The following UPRT variants were observed in gnomAD, a reference collection of about 807,000 sequenced individuals.
The protein encoded by UPRT is uracil phosphoribosyltransferase homolog, also known as RP11-311P8.3.
Under a neutral mutation model 22.6 loss-of-function variants are expected in UPRT, and 5 were observed. The observed-to-expected ratio is 0.22, with a 90% CI of 0.12 to 0.47. UPRT has a LOEUF of 0.47. Among genes scored for constraint, UPRT ranks in the 20% least tolerant of loss-of-function variants. UPRT has a pLI of 0.99. For synonymous variants in UPRT, 77 were observed against 87.7 expected (o/e 0.88, Z 0.68); for missense variants, 181 against 239.9 (o/e 0.75, Z 1.62).
chrX:75,294,416 G>A (rs930143932), intron 2 of UPRT: 5 of 276,410 alleles, frequency 1.8e-5, no homozygotes, highest in African/African-American at 2.9e-5. Context: ...TGGTGTTTAT[G>A]ATCTAAATAC....
intron 4 of UPRT, among the ~76,000 whole-genome samples, chrX:75,168,606 C>A (rs905734986): frequency 1.8e-5 from 2 of 110,937 alleles, no homozygotes; most frequent in African/African-American, 6.6e-5. Flanking sequence ...CTCGGCTCAC[C>A]GCAACCTCCG....
intron 4 of UPRT, among the ~76,000 whole-genome samples, chrX:75,242,577 C>G (rs1035273341): frequency 3.8e-5 from 4 of 105,074 alleles, no homozygotes; most frequent in African/African-American, 6.8e-5. Context: ...TTTCCATTGT[C>G]TGCTCCTGCA....
At chrX:75,259,895 A>C (rs972583064) in intron 4 of UPRT, among the ~76,000 whole-genome samples, 1 of 112,155 alleles carries the variant, frequency 8.9e-6, no homozygotes, top group African/African-American at 3.2e-5. Flanking sequence ...CCATCAGACT[A>C]ATAGCAGATC....
chrX:75,225,845 C>T (rs2082422604), intron 4 of UPRT, among the ~76,000 whole-genome samples: 1 of 111,071 alleles, frequency 9.0e-6, no homozygotes, highest in African/African-American at 3.3e-5. Flanking sequence ...AAACTATACG[C>T]TGATTTCTCT....
intron 1 of UPRT, among the ~76,000 whole-genome samples, chrX:75,276,395 A>G (rs1313397341): frequency 8.9e-6 from 1 of 111,824 alleles, no homozygotes; most frequent in Non-Finnish European, 1.9e-5. Context: ...AATTATATTT[A>G]TGAAACTATA....
intron 4 of UPRT, among the ~76,000 whole-genome samples, chrX:75,183,890 T>C (rs192529686): frequency 4.5e-5 from 5 of 112,152 alleles, no homozygotes; most frequent in Admixed American, 1.9e-4. Flanking sequence ...TTCTTGCAAA[T>C]TGGTTTGAGT....
chrX:75,186,857 T>C (rs2082294231), intron 4 of UPRT, among the ~76,000 whole-genome samples: 1 of 111,627 alleles, frequency 9.0e-6, no homozygotes, highest in Non-Finnish European at 1.9e-5. Flanking sequence ...CTGTCTTTTT[T>C]TGTTTTCCAT....
intron 4 of UPRT, among the ~76,000 whole-genome samples, chrX:75,222,375 C>G (rs2082412614): frequency 9.0e-6 from 1 of 111,589 alleles, no homozygotes; most frequent in Admixed American, 9.5e-5. Flanking sequence ...CTAGGGCTCT[C>G]CAATCAGCAG....
intron 1 of UPRT, among the ~76,000 whole-genome samples, chrX:75,289,366 T>G: frequency 9.0e-6 from 1 of 110,858 alleles, no homozygotes; most frequent in Non-Finnish European, 1.9e-5. Flanking sequence ...TTTGGTAAAA[T>G]GGATACACTG....
At chrX:75,227,877 G>A (rs1321582668) in intron 4 of UPRT, among the ~76,000 whole-genome samples, 2 of 112,523 alleles carry the variant, frequency 1.8e-5, no homozygotes, top group Admixed American at 1.9e-4. Context: ...TGATAAGTAG[G>A]TCTGATACTG....
At chrX:75,285,838 T>A (rs935080917) in intron 1 of UPRT, among the ~76,000 whole-genome samples, 12 of 109,492 alleles carry the variant, frequency 1.1e-4, no homozygotes, top group Admixed American at 4.8e-4. Flanking sequence ...AAAAAAAAAA[T>A]AGTAACATAA....
At chrX:75,221,713 C>G (rs1274765684) in intron 4 of UPRT, among the ~76,000 whole-genome samples, 1 of 111,249 alleles carries the variant, frequency 9.0e-6, no homozygotes, top group East Asian at 2.8e-4. Context: ...ATTCTGATTC[C>G]CTTCTCTGTG....
At chrX:75,167,726 T>A (rs1281914752) in intron 3 of UPRT, among the ~76,000 whole-genome samples, 1 of 111,416 alleles carries the variant, frequency 9.0e-6, no homozygotes, top group East Asian at 2.8e-4. Flanking sequence ...TTCACACATT[T>A]TAACAGGGTT....
At position 75,160,706 on chromosome X, in the gene UPRT, A is replaced by T. The variant is rs778268909; in HGVS notation, c.-615+35A>T. ...ACAGTGCCTGACATATATTTAAAAAATTTTTTAAAGATGGGGTTCGCTATG... is the reference window on the plus strand; with the variant it reads ...ACAGTGCCTGACATATATTTAAAAATTTTTTTAAAGATGGGGTTCGCTATG... On this transcript the variant is annotated intron_variant, in intron 2 of 13. Transcript: ENST00000652605. Among the ~76,000 whole-genome samples, 7 of 111,035 alleles carry T rather than the reference A, an allele frequency of 6.3e-5. No homozygotes were observed. The South Asian group carries it at 2.3e-3, about 36-fold the overall frequency.
At chrX:75,180,131 TC>T (rs2082264297) in intron 4 of UPRT, among the ~76,000 whole-genome samples, 1 of 112,382 alleles carries the variant, frequency 8.9e-6, no homozygotes, top group South Asian at 3.7e-4. Context: ...ATCATGCCCT[TC>T]CCCGAGTTCT....
At chrX:75,180,943 A>T (rs978605957) in intron 4 of UPRT, among the ~76,000 whole-genome samples, 2 of 109,622 alleles carry the variant, frequency 1.8e-5, no homozygotes, top group Non-Finnish European at 3.8e-5. Flanking sequence ...GCCCATGCCT[A>T]TGTCCTGAAT....
chrX:75,236,787 C>T (rs1477585982), intron 4 of UPRT, among the ~76,000 whole-genome samples: 1 of 112,205 alleles, frequency 8.9e-6, no homozygotes, highest in African/African-American at 3.2e-5. Flanking sequence ...ACACCTTATA[C>T]AAAAATCAAT....
chrX:75,191,540 G>A (rs28855505), intron 4 of UPRT, among the ~76,000 whole-genome samples: 12,773 of 109,752 alleles, frequency 0.12, 1,532 homozygotes, highest in East Asian at 0.9. Context: ...CCTTTTGTTC[G>A]GCTATGCCCT....
At chrX:75,189,460 T>G (rs2082307207) in intron 4 of UPRT, among the ~76,000 whole-genome samples, 1 of 112,097 alleles carries the variant, frequency 8.9e-6, no homozygotes, top group South Asian at 3.7e-4. Flanking sequence ...TATATTCTGT[T>G]GATTTGGGGT....
Sources: allele counts gnomAD v4.1 joint callset (sites outside exome capture counted in the v4.1 genomes callset), GRCh38; gene constraint gnomAD v4.1.1; transcripts MANE v1.5; gene names NCBI Gene and HGNC (gene_info 2026-07-23, HGNC 2026-07-21).